The following CNBD1 variants were observed in gnomAD, a reference collection of about 807,000 sequenced individuals.
CNBD1 encodes cyclic nucleotide binding domain containing 1.
Under a neutral mutation model 54.4 loss-of-function variants are expected in CNBD1, and 71 were observed. The observed-to-expected ratio is 1.30, with a 90% CI of 1.08 to 1.59. The LOEUF is 1.59. CNBD1 is among the 40% of genes most tolerant of loss of function. CNBD1 has a pLI of 0.00. For missense variants in CNBD1, 659 were observed against 518.0 expected (o/e 1.27, Z -2.64); for synonymous variants, 182 against 170.7 (o/e 1.07, Z -0.51).
intron 4 of CNBD1, among the ~76,000 whole-genome samples, chr8:87,011,180 GTT>G (rs200701648): frequency 8.5e-4 from 109 of 128,848 alleles, no homozygotes; most frequent in Middle Eastern, 4.3e-3. Context: ...TTAGAGTTTG[GTT>G]TTTTTTTTTT....
At chr8:87,384,066 C>A (rs530880820), downstream of CNBD1, among the ~76,000 whole-genome samples, 15 of 152,018 alleles carry the variant, frequency 9.9e-5, no homozygotes, top group African/African-American at 3.6e-4. Flanking sequence ...TGTTAGTCTG[C>A]CTTCAAAATC....
At chr8:87,088,457 T>C (rs536758753) in intron 4 of CNBD1, among the ~76,000 whole-genome samples, 1 of 152,340 alleles carries the variant, frequency 6.6e-6, no homozygotes, top group South Asian at 2.1e-4. Flanking sequence ...TTATAAATCA[T>C]TTATGAGTTT....
At chr8:87,044,324 A>G (rs559991460) in intron 4 of CNBD1, among the ~76,000 whole-genome samples, 65 of 152,226 alleles carry the variant, frequency 4.3e-4, no homozygotes, top group Middle Eastern at 3.4e-3. Flanking sequence ...TCCTTGGATA[A>G]GTTAAATGGT....
At position 87,351,688 on chromosome 8, in the gene CNBD1, TAGTGGAA is replaced by T; in HGVS notation, c.1055_1061del (p.Ser352IlefsTer2). ...GAACTATCTCTCTTCTTTTCAGTGA[TAGTGGAA>T]AGTGGAAATATAATTTCTTTTGTGG... On this transcript the variant is annotated frameshift_variant, in exon 9 of 11. Transcript: ENST00000518476. LOFTEE classifies it high-confidence loss of function. 1 of 1,502,596 alleles carries T rather than the reference TAGTGGAA, an allele frequency of 6.7e-7. No homozygotes were observed. Among genetic ancestry groups the T allele is most frequent in the Non-Finnish European group, 8.8e-7 (1 of 1,130,512 alleles). The allele number at this position is 1,502,596 out of a possible 1,614,324, so 93.1% of individuals were successfully genotyped here.
intron 4 of CNBD1, among the ~76,000 whole-genome samples, chr8:87,050,809 T>G (rs747113405): frequency 6.0e-4 from 91 of 152,166 alleles, no homozygotes; most frequent in Non-Finnish European, 8.5e-4. Context: ...TAATATTGGA[T>G]GTTGCAGGGG....
At chr8:86,905,669 T>C (rs1809006723) in intron 3 of CNBD1, among the ~76,000 whole-genome samples, 2 of 152,156 alleles carry the variant, frequency 1.3e-5, no homozygotes, top group South Asian at 4.1e-4. Context: ...ATGTGCTTTA[T>C]GTATTTTTAA....
At chr8:86,935,313 G>T (rs1419889177) in intron 3 of CNBD1, among the ~76,000 whole-genome samples, 1 of 152,186 alleles carries the variant, frequency 6.6e-6, no homozygotes, top group African/African-American at 2.4e-5. Flanking sequence ...TGGGATTACA[G>T]GCATGAGCCG....
chr8:87,310,456 C>A (rs1563547086), intron 8 of CNBD1, among the ~76,000 whole-genome samples: 1 of 152,080 alleles, frequency 6.6e-6, no homozygotes, highest in Non-Finnish European at 1.5e-5. Context: ...AGGAAAACTA[C>A]AAAACACTAC....
At chr8:87,297,072 G>A (rs1428258668) in intron 8 of CNBD1, among the ~76,000 whole-genome samples, 2 of 150,304 alleles carry the variant, frequency 1.3e-5, no homozygotes, top group African/African-American at 2.5e-5. Context: ...CAGCTACTCC[G>A]GAGGCTGAGG....
intron 4 of CNBD1, among the ~76,000 whole-genome samples, chr8:87,171,640 CT>C (rs912669437): frequency 1.3e-5 from 2 of 149,526 alleles, no homozygotes; most frequent in Admixed American, 6.7e-5. Flanking sequence ...CTTTTTCTTT[CT>C]TTTTTTTTCT....
intron 2 of CNBD1, among the ~76,000 whole-genome samples, chr8:87,419,416 G>A (rs1407334584): frequency 6.6e-6 from 1 of 151,816 alleles, no homozygotes; most frequent in Non-Finnish European, 1.5e-5. Context: ...CCACTAAACT[G>A]TACTGTTTAA....
intron 6 of CNBD1, among the ~76,000 whole-genome samples, chr8:87,282,627 A>G (rs892692737): frequency 2.6e-5 from 4 of 151,946 alleles, no homozygotes; most frequent in African/African-American, 7.2e-5. Context: ...TGTAAGGCGT[A>G]TTGGAAGTTT....
At chr8:86,931,905 A>G (rs1809464366) in intron 3 of CNBD1, among the ~76,000 whole-genome samples, 1 of 152,168 alleles carries the variant, frequency 6.6e-6, no homozygotes, top group South Asian at 2.1e-4. Flanking sequence ...ACATCATTGA[A>G]TAATTCATGG....
intron 10 of CNBD1, among the ~76,000 whole-genome samples, chr8:87,364,478 T>C (rs895029959): frequency 9.6e-5 from 14 of 146,362 alleles, no homozygotes; most frequent in African/African-American, 1.3e-4. Context: ...TCTTTTTATT[T>C]TATTTTTTAA....
chr8:87,150,656 G>A (rs991494006), intron 4 of CNBD1, among the ~76,000 whole-genome samples: 1 of 152,154 alleles, frequency 6.6e-6, no homozygotes, highest in Non-Finnish European at 1.5e-5. Flanking sequence ...AAGGCAGGTC[G>A]ATTTTTAAGC....
chr8:87,415,196 CGTT>C (rs1341094073), intron 2 of CNBD1, among the ~76,000 whole-genome samples: 1 of 152,018 alleles, frequency 6.6e-6, no homozygotes, highest in Non-Finnish European at 1.5e-5. Flanking sequence ...TCCCTGTAGT[CGTT>C]GTTCTCTCCA....
At chr8:87,220,438 C>A (rs1300939115) in intron 5 of CNBD1, among the ~76,000 whole-genome samples, 1 of 151,432 alleles carries the variant, frequency 6.6e-6, no homozygotes, top group Non-Finnish European at 1.5e-5. Context: ...CTTGTCTCTG[C>A]AACTTCACTT....
intron 8 of CNBD1, among the ~76,000 whole-genome samples, chr8:87,307,147 A>G (rs1809169787): frequency 6.6e-6 from 1 of 152,212 alleles, no homozygotes. Context: ...CTTAGATTTC[A>G]TAAAAACATA....
intron 3 of CNBD1, among the ~76,000 whole-genome samples, chr8:86,931,433 G>T (rs909215586): frequency 6.6e-6 from 1 of 152,002 alleles, no homozygotes; most frequent in African/African-American, 2.4e-5. Flanking sequence ...TGATTGCCTC[G>T]GCATAGTGGA....
Sources: allele counts gnomAD v4.1 joint callset (sites outside exome capture counted in the v4.1 genomes callset), GRCh38; gene constraint gnomAD v4.1.1; transcripts MANE v1.5; gene names NCBI Gene and HGNC (gene_info 2026-07-23, HGNC 2026-07-21).